LRRTM4: variants seen among roughly 807,000 people sequenced by gnomAD.
LRRTM4 encodes the protein leucine rich repeat transmembrane neuronal 4, also known as leucine-rich repeat transmembrane neuronal protein 4.
A neutral mutation model predicts 47.6 loss-of-function variants in LRRTM4; 25 were observed. The ratio of observed to expected loss-of-function variants is 0.53; its 90% CI spans 0.38 to 0.73. LRRTM4 has a LOEUF of 0.73. LRRTM4 is among the 30% of genes least tolerant of loss of function. The probability of loss-of-function intolerance (pLI) is 0.00; values close to 1 mark genes in which losing one functional copy is unlikely to be tolerated. For missense variants in LRRTM4, 638 were observed against 713.4 expected (o/e 0.89, Z 1.20); for synonymous variants, 311 against 269.5 (o/e 1.15, Z -1.51).
chr2:77,351,443 T>C (rs1016515537), intron 3 of LRRTM4, among the ~76,000 whole-genome samples: 10 of 151,750 alleles, frequency 6.6e-5, no homozygotes, highest in African/African-American at 2.2e-4. Context: ...TTGAAACAAA[T>C]TGAATTCCCA....
At chr2:76,959,251 A>G (rs1003883671) in intron 3 of LRRTM4, among the ~76,000 whole-genome samples, 1 of 151,752 alleles carries the variant, frequency 6.6e-6, no homozygotes, top group Non-Finnish European at 1.5e-5. Flanking sequence ...TGTTTTCATC[A>G]TGATATCAAT....
At chr2:76,788,678 C>G (rs114150348) in intron 3 of LRRTM4, among the ~76,000 whole-genome samples, 1,917 of 152,272 alleles carry the variant, frequency 0.013, 37 homozygotes, top group African/African-American at 0.041. Context: ...ATAGCACAAT[C>G]TTGTAGGACT....
chr2:77,219,514 C>T (rs374329577), intron 3 of LRRTM4, among the ~76,000 whole-genome samples: 7 of 152,122 alleles, frequency 4.6e-5, no homozygotes, highest in Non-Finnish European at 8.8e-5. Flanking sequence ...AAACAAATAT[C>T]GGTACCCTTG....
At chr2:77,011,531 T>TTGCGTGTG (rs528405585) in intron 3 of LRRTM4, among the ~76,000 whole-genome samples, 1 of 144,046 alleles carries the variant, frequency 6.9e-6, no homozygotes, top group Non-Finnish European at 1.5e-5. Flanking sequence ...GAAGAAGCAT[T>TTGCGTGTG]TGTGTGTGTG....
intron 3 of LRRTM4, among the ~76,000 whole-genome samples, chr2:76,967,947 C>T (rs4852426): frequency 0.17 from 25,994 of 151,090 alleles, 2,403 homozygotes; most frequent in Admixed American, 0.26. Flanking sequence ...TAGCTCAGTT[C>T]CCAATGCATT....
chr2:76,923,626 T>C (rs1488398297), intron 3 of LRRTM4, among the ~76,000 whole-genome samples: 2 of 152,100 alleles, frequency 1.3e-5, no homozygotes, highest in Non-Finnish European at 2.9e-5. Flanking sequence ...TCTACCCACA[T>C]ATTCTAGGAA....
At chr2:77,380,125 T>C (rs1219391570) in intron 3 of LRRTM4, among the ~76,000 whole-genome samples, 6 of 152,160 alleles carry the variant, frequency 3.9e-5, no homozygotes, top group Non-Finnish European at 8.8e-5. Context: ...ACAGATTATC[T>C]TGTGACTTAC....
intron 3 of LRRTM4, among the ~76,000 whole-genome samples, chr2:77,302,825 A>G (rs290046): frequency 0.36 from 54,664 of 151,922 alleles, 12,422 homozygotes; most frequent in African/African-American, 0.63. Flanking sequence ...AGGGAAGGGA[A>G]GAGAAAGGGC....
intron 3 of LRRTM4, among the ~76,000 whole-genome samples, chr2:77,419,064 A>T (rs757133233): frequency 6.6e-6 from 1 of 152,202 alleles, no homozygotes; most frequent in Non-Finnish European, 1.5e-5. Context: ...ACTCATATAT[A>T]TTGGGTACTT....
At chr2:77,047,127 C>G (rs10520179) in intron 3 of LRRTM4, among the ~76,000 whole-genome samples, 20,020 of 152,042 alleles carry the variant, frequency 0.13, 1,489 homozygotes, top group Admixed American at 0.2. Flanking sequence ...ACTACATCTT[C>G]AGACATCTTT....
intron 3 of LRRTM4, among the ~76,000 whole-genome samples, chr2:77,076,320 G>A (rs1223528680): frequency 6.6e-6 from 1 of 152,148 alleles, no homozygotes; most frequent in Non-Finnish European, 1.5e-5. Context: ...AGGCTGCAAT[G>A]TATTTGCATA....
At chr2:77,487,831 C>A (rs995574384) in intron 3 of LRRTM4, among the ~76,000 whole-genome samples, 1 of 152,158 alleles carries the variant, frequency 6.6e-6, no homozygotes, top group Non-Finnish European at 1.5e-5. Flanking sequence ...CGTCAAAACC[C>A]CTGGATTCAG....
intron 3 of LRRTM4, among the ~76,000 whole-genome samples, chr2:76,775,800 A>C (rs1221735979): frequency 6.6e-6 from 1 of 151,954 alleles, no homozygotes; most frequent in Non-Finnish European, 1.5e-5. Flanking sequence ...GTACATGTGC[A>C]TATTGTGCAG....
In LRRTM4 at chr2:77,213,934, C is replaced by T. The variant is rs139153733; in HGVS notation, c.1551+304384G>A. Among the ~76,000 whole-genome samples the T allele has an allele frequency of 2.2e-4, 33 of 151,762 alleles. No homozygotes were observed. In the East Asian group the frequency reaches 5.4e-3, roughly 25 times the overall value. ...CAAAATGCCAATTAGGCATTCAGCTCCTGCATTAAAAAAAATCAAAACAAA... is the reference window on the plus strand; with the variant it reads ...CAAAATGCCAATTAGGCATTCAGCTTCTGCATTAAAAAAAATCAAAACAAA... On this transcript the variant is annotated intron_variant, in intron 3 of 3. Coordinates refer to ENST00000409884, the MANE Select transcript of LRRTM4 (RefSeq NM_001134745.3).
At chr2:76,825,280 G>A (rs926760290) in intron 3 of LRRTM4, among the ~76,000 whole-genome samples, 2 of 151,612 alleles carry the variant, frequency 1.3e-5, no homozygotes, top group African/African-American at 2.4e-5. Flanking sequence ...AAAGCAGAGA[G>A]GACAGTTAAG....
Position 76,953,986 on chromosome 2 carries a change from T to A in LRRTM4, c.1552-205070A>T, listed in dbSNP as rs138332086. Among the ~76,000 whole-genome samples, 659 of 151,900 alleles carry A rather than the reference T, an allele frequency of 4.3e-3. 24 individuals are homozygous for A. In the South Asian group the frequency reaches 0.07, roughly 16 times the overall value. On this transcript the variant is annotated intron_variant, in intron 3 of 3. Transcript: ENST00000409884. ...CCTGAGAAAGAAACTGACAAGCCTC[T>A]TCAACAGAGAAACTACGTGCACAAG...
chr2:77,208,810 C>A (rs996801029), intron 3 of LRRTM4, among the ~76,000 whole-genome samples: 6 of 151,984 alleles, frequency 3.9e-5, no homozygotes, highest in Non-Finnish European at 8.8e-5. Context: ...TTTATAGGAG[C>A]TGGAACGGTA....
intron 3 of LRRTM4, among the ~76,000 whole-genome samples, chr2:77,212,541 A>T (rs1457398440): frequency 2.0e-5 from 3 of 149,414 alleles, no homozygotes; most frequent in Non-Finnish European, 4.4e-5. Context: ...ATCATGAGTT[A>T]ATCTTGAGAA....
chr2:77,468,652 T>C (rs1484502360), intron 3 of LRRTM4, among the ~76,000 whole-genome samples: 1 of 152,144 alleles, frequency 6.6e-6, no homozygotes, highest in East Asian at 1.9e-4. Flanking sequence ...GGGGCCATGC[T>C]AGTGCTCTTA....
Sources: gnomAD v4.1 joint callset for allele counts (sites outside exome capture counted in the v4.1 genomes callset) on GRCh38, gnomAD v4.1.1 for gene constraint, MANE v1.5 for transcripts, NCBI Gene and HGNC (gene_info 2026-07-23, HGNC 2026-07-21) for gene names.